Variants in ZRANB3 observed in about 807,000 individuals in gnomAD.
ZRANB3 encodes the protein zinc finger RANBP2-type containing 3.
A neutral mutation model predicts 133.8 loss-of-function variants in ZRANB3; 125 were observed. That is an observed-to-expected ratio of 0.93 (90% CI 0.81 to 1.08). The LOEUF is 1.08. ZRANB3 is among the 50% of genes least tolerant of loss of function. ZRANB3 has a pLI of 0.00. For missense variants in ZRANB3, 1,229 were observed against 1,275.5 expected, an observed-to-expected ratio of 0.96 and a Z score of 0.56; for synonymous variants, 387 against 432.7, an observed-to-expected ratio of 0.89 and a Z score of 1.31.
chr2:135,527,794 CAT>C (rs933435672), intron 1 of ZRANB3, among the ~76,000 whole-genome samples: 3 of 152,288 alleles, frequency 2.0e-5, no homozygotes, highest in South Asian at 4.1e-4. Context: ...ATCATTAAAA[CAT>C]GTGTCCATAC....
chr2:135,350,273 A>G (rs1347573982), intron 4 of ZRANB3, 58 bp from the exon 5 acceptor site: 12 of 1,277,840 alleles, frequency 9.4e-6, no homozygotes, highest in Non-Finnish European at 9.7e-6. Context: ...TATCATGAAC[A>G]ATACAACTCT....
At chr2:135,220,627 G>A (rs1465429278) in intron 15 of ZRANB3, among the ~76,000 whole-genome samples, 1 of 148,678 alleles carries the variant, frequency 6.7e-6, no homozygotes, top group African/African-American at 2.5e-5. Context: ...GAACCCGGGA[G>A]GCAGAGATTA....
intron 12 of ZRANB3, among the ~76,000 whole-genome samples, chr2:135,244,037 T>C (rs1450584633): frequency 6.6e-6 from 1 of 151,380 alleles, no homozygotes; most frequent in Non-Finnish European, 1.5e-5. Context: ...AAATAATACT[T>C]GAATCTTTTG....
In ZRANB3 at chr2:135,315,466, G is replaced by T. The variant is rs769045535; in HGVS notation, c.742C>A (p.Leu248Ile). The change falls in exon 7 of 21, where the codon CTA becomes ATA. Residue 248 changes from leucine (L) to isoleucine (I), a missense_variant. Leu to Ile is a conservative substitution (Grantham distance 5, BLOSUM62 2). Transcript: ENST00000264159. ...CTTCTAATCATTATGTCACTTAATAGCTGGTGAAGTTCATTAAGATTTGAT... is the reference window on the plus strand; with the variant it reads ...CTTCTAATCATTATGTCACTTAATATCTGGTGAAGTTCATTAAGATTTGAT... ...GASNLNELHQ[L>I]LSDIMIRRLK... 2.3e-5 allele frequency: 36 copies of T among 1,596,786 alleles called. No individual in the cohort carries two copies. Among genetic ancestry groups the T allele is most frequent in the Non-Finnish European group, 2.6e-5 (31 of 1,173,064 alleles).
intron 12 of ZRANB3, among the ~76,000 whole-genome samples, chr2:135,243,093 G>A (rs538727756): frequency 6.6e-6 from 1 of 152,302 alleles, no homozygotes; most frequent in East Asian, 1.9e-4. Context: ...AGTTCCACAT[G>A]GGAGACTTCA....
intron 2 of ZRANB3, among the ~76,000 whole-genome samples, chr2:135,423,342 G>A (rs949369183): frequency 3.9e-5 from 6 of 152,128 alleles, no homozygotes; most frequent in Non-Finnish European, 7.4e-5. Flanking sequence ...GCTAACACAG[G>A]AGAATTGCTT....
At chr2:135,311,478 A>C (rs1421715876) in intron 8 of ZRANB3, among the ~76,000 whole-genome samples, 1 of 152,160 alleles carries the variant, frequency 6.6e-6, no homozygotes, top group East Asian at 1.9e-4. Context: ...GGAAAATGAA[A>C]ATATATGACT....
At chr2:135,494,163 A>AGGGAGGG (rs1559036378) in intron 2 of ZRANB3, among the ~76,000 whole-genome samples, 1 of 43,226 alleles carries the variant, frequency 2.3e-5, no homozygotes, top group African/African-American at 1.5e-4. Flanking sequence ...GGAAGGAAGG[A>AGGGAGGG]AGGGAGGGAG....
intron 3 of ZRANB3, among the ~76,000 whole-genome samples, chr2:135,379,112 C>T (rs1325829565): frequency 1.3e-5 from 2 of 152,074 alleles, no homozygotes; most frequent in Non-Finnish European, 2.9e-5. Flanking sequence ...ATAGGGGAAA[C>T]TGGGTGTGGG....
At chr2:135,524,675 T>G (rs1290365716) in intron 1 of ZRANB3, among the ~76,000 whole-genome samples, 1 of 152,050 alleles carries the variant, frequency 6.6e-6, no homozygotes, top group Non-Finnish European at 1.5e-5. Context: ...CACCAAAACA[T>G]ATTATTACAA....
At chr2:135,365,026 G>A (rs913265299) in intron 3 of ZRANB3, among the ~76,000 whole-genome samples, 1 of 151,362 alleles carries the variant, frequency 6.6e-6, no homozygotes, top group African/African-American at 2.4e-5. Context: ...TCCAGCCTGG[G>A]CAACAGAGAC....
chr2:135,293,081 C>A (rs1681846768), intron 8 of ZRANB3, among the ~76,000 whole-genome samples: 1 of 151,946 alleles, frequency 6.6e-6, no homozygotes, highest in Non-Finnish European at 1.5e-5. Context: ...AATGTGGGTT[C>A]TTTTTTGGTT....
At chr2:135,481,660 T>C (rs1165972216) in intron 2 of ZRANB3, among the ~76,000 whole-genome samples, 2 of 150,408 alleles carry the variant, frequency 1.3e-5, no homozygotes, top group East Asian at 2.0e-4. Context: ...TTGCCATTGC[T>C]TTTGGTGTTT....
At chr2:135,513,183 A>G (rs1693545314) in intron 1 of ZRANB3, among the ~76,000 whole-genome samples, 1 of 152,236 alleles carries the variant, frequency 6.6e-6, no homozygotes. Context: ...AGCTGATTAT[A>G]CTTTCAAAAT....
intron 2 of ZRANB3, among the ~76,000 whole-genome samples, chr2:135,464,352 G>C (rs996250707): frequency 6.6e-6 from 1 of 152,144 alleles, no homozygotes; most frequent in African/African-American, 2.4e-5. Flanking sequence ...AGTGGTGGCA[G>C]GTGAAGCAAT....
chr2:135,411,992 C>T (rs1460174133), intron 2 of ZRANB3, among the ~76,000 whole-genome samples: 1 of 152,128 alleles, frequency 6.6e-6, no homozygotes, highest in Admixed American at 6.6e-5. Flanking sequence ...ATTTGGTACA[C>T]TTATTTGTTT....
intron 2 of ZRANB3, among the ~76,000 whole-genome samples, chr2:135,437,865 A>G (rs1004363933): frequency 2.6e-5 from 4 of 152,324 alleles, no homozygotes; most frequent in African/African-American, 4.8e-5. Flanking sequence ...TGTTTCCAGA[A>G]AAGATTATCC....
At chr2:135,208,614 C>A (rs16831447) in intron 18 of ZRANB3, among the ~76,000 whole-genome samples, 24,858 of 152,130 alleles carry the variant, frequency 0.16, 2,834 homozygotes, top group South Asian at 0.32. Context: ...GTCTCCTGGC[C>A]TCTACCCGCA....
chr2:135,355,879 G>C (rs1422266104), intron 3 of ZRANB3, among the ~76,000 whole-genome samples: 1 of 152,122 alleles, frequency 6.6e-6, no homozygotes, highest in Non-Finnish European at 1.5e-5. Flanking sequence ...AATAGGATCT[G>C]TTTTGCTTCC....
Sources: gnomAD v4.1 joint callset for allele counts (sites outside exome capture counted in the v4.1 genomes callset) on GRCh38, gnomAD v4.1.1 for gene constraint, MANE v1.5 for transcripts, NCBI Gene and HGNC (gene_info 2026-07-23, HGNC 2026-07-21) for gene names.